Variants in SEC23A observed in about 807,000 individuals in gnomAD.
SEC23A encodes the protein SEC23 homolog A, COPII component.
In SEC23A, 56 loss-of-function variants were observed where a neutral mutation model predicts 103.7. The ratio of observed to expected loss-of-function variants is 0.54; its 90% CI spans 0.44 to 0.67. The LOEUF is 0.67. Ranked by LOEUF, SEC23A falls within the 30% of genes least tolerant of loss-of-function variation. The pLI, the probability that SEC23A is intolerant of heterozygous loss-of-function variation, is 0.00. For missense variants in SEC23A, 784 were observed against 936.4 expected, an observed-to-expected ratio of 0.84 and a Z score of 2.12; for synonymous variants, 281 against 293.0, an observed-to-expected ratio of 0.96 and a Z score of 0.42.
intron 9 of SEC23A, among the ~76,000 whole-genome samples, chr14:39,072,596 C>G (rs1886874629): frequency 6.6e-6 from 1 of 151,674 alleles, no homozygotes; most frequent in Non-Finnish European, 1.5e-5. Context: ...GAGGATCGAG[C>G]CCAGGAGTTC....
At chr14:39,065,997 CAAAAAAAAAAAA>C (rs59260008) in intron 10 of SEC23A, among the ~76,000 whole-genome samples, 32 of 80,498 alleles carry the variant, frequency 4.0e-4, no homozygotes, top group South Asian at 1.3e-3. Context: ...AACTCCATCT[CAAAAAAAAAAAA>C]AAAAAAAAAA....
chr14:39,091,994 T>G (rs1887679525), intron 4 of SEC23A, among the ~76,000 whole-genome samples: 1 of 152,186 alleles, frequency 6.6e-6, no homozygotes, highest in Non-Finnish European at 1.5e-5. Flanking sequence ...TTTAAAATAA[T>G]TAGTAAACCT....
At chr14:39,057,059 A>G (rs1198479906) in intron 13 of SEC23A, among the ~76,000 whole-genome samples, 1 of 152,104 alleles carries the variant, frequency 6.6e-6, no homozygotes, top group Non-Finnish European at 1.5e-5. Flanking sequence ...CACACCTGTA[A>G]TCACAACACT....
At chr14:39,047,230 A>C (rs1212410165) in intron 15 of SEC23A, 1 of 316,302 alleles carries the variant, frequency 3.2e-6, no homozygotes. Flanking sequence ...TGAAGATCTA[A>C]AAGCCCAACA....
At chr14:39,060,917 A>G (rs1405903719) in intron 13 of SEC23A, among the ~76,000 whole-genome samples, 1 of 152,082 alleles carries the variant, frequency 6.6e-6, no homozygotes, top group African/African-American at 2.4e-5. Flanking sequence ...ACAAAATACT[A>G]CCCTATAATT....
chr14:39,061,468 ATAT>A (rs1225083050), intron 13 of SEC23A, among the ~76,000 whole-genome samples: 3 of 152,032 alleles, frequency 2.0e-5, no homozygotes, highest in Non-Finnish European at 2.9e-5. Flanking sequence ...TGGATTATAT[ATAT>A]TATTATTGAC....
At chr14:39,054,174 C>A (rs1301315306) in intron 14 of SEC23A, among the ~76,000 whole-genome samples, 2 of 151,584 alleles carry the variant, frequency 1.3e-5, no homozygotes, top group South Asian at 4.2e-4. Flanking sequence ...ACTCAGGAGG[C>A]TGAAGTGGGA....
At chr14:39,075,703 AT>A (rs1886990192) in intron 8 of SEC23A, among the ~76,000 whole-genome samples, 1 of 152,224 alleles carries the variant, frequency 6.6e-6, no homozygotes, top group Admixed American at 6.5e-5. Context: ...CTCAGTAATA[AT>A]TTTTAAGGAG....
chr14:39,081,986 T>G (rs1289968690), intron 7 of SEC23A, among the ~76,000 whole-genome samples: 1 of 152,044 alleles, frequency 6.6e-6, no homozygotes, highest in Admixed American at 6.6e-5. Flanking sequence ...ACAGGGCTCC[T>G]AAGTGGTTTC....
rs7141994 is a variant in SEC23A at position 39,033,634 on chromosome 14, T to G, written c.2209-306A>C. On this transcript the variant is annotated intron_variant, in intron 19 of 19. Transcript: ENST00000307712. Reference sequence around the variant, plus strand: ...ACTAACAATGGAATTAGAGGCTTGGTGCTTTTAAAAGAAAGCCTGACCTCC... The same window carrying G: ...ACTAACAATGGAATTAGAGGCTTGGGGCTTTTAAAAGAAAGCCTGACCTCC... Among the ~76,000 whole-genome samples the G allele has an allele frequency of 2.6e-3, 385 of 148,724 alleles. 3 individuals carry two copies. The highest frequency in any genetic ancestry group is 9.6e-3 in the African/African-American group (368 of 38,154).
At chr14:39,038,428 A>C (rs941315620) in intron 19 of SEC23A, among the ~76,000 whole-genome samples, 2 of 152,208 alleles carry the variant, frequency 1.3e-5, no homozygotes, top group Admixed American at 6.5e-5. Context: ...AGGCATGGGT[A>C]ATAACTGCAC....
intron 7 of SEC23A, among the ~76,000 whole-genome samples, chr14:39,077,241 A>AG (rs1887063341): frequency 6.7e-6 from 1 of 148,262 alleles, no homozygotes; most frequent in Non-Finnish European, 1.5e-5. Flanking sequence ...AAAAAAAAAA[A>AG]AAAAAAAAAA....
At position 39,033,305 on chromosome 14, in the gene SEC23A, T is replaced by C. The variant is rs1370515665; in HGVS notation, c.2232A>G (p.Thr744=). ...WGQESGAPIL[T]DDVSLQVFMD... ...TAAACACTTGTAAACTAACATCATCTGTAAGAATAGGTGCTCCAGACTCCT... is the reference window on the plus strand; with the variant it reads ...TAAACACTTGTAAACTAACATCATCCGTAAGAATAGGTGCTCCAGACTCCT... Residue 744 remains threonine (T), a synonymous_variant, in exon 20 of 20, where the codon ACA becomes ACG. Coordinates refer to ENST00000307712, the MANE Select transcript of SEC23A (RefSeq NM_006364.4). The C allele has an allele frequency of 2.5e-6, 4 of 1,610,606 alleles. No individual in the cohort carries two copies. Among genetic ancestry groups the C allele is most frequent in the East Asian group, 4.5e-5 (2 of 44,702 alleles).
intron 14 of SEC23A, among the ~76,000 whole-genome samples, chr14:39,051,394 A>T (rs1055166924): frequency 2.6e-5 from 4 of 152,238 alleles, no homozygotes; most frequent in African/African-American, 9.6e-5. Context: ...CTGCTGTTGT[A>T]AATGCTGCAG....
rs1320421007 is a variant in SEC23A at position 39,085,869 on chromosome 14, TGA to T, written c.719_720del (p.Leu240HisfsTer65). The T allele has an allele frequency of 6.2e-7, 1 of 1,612,394 alleles. No homozygotes were observed. On this transcript the variant is annotated frameshift_variant, in exon 7 of 20. Coordinates refer to ENST00000307712, the MANE Select transcript of SEC23A (RefSeq NM_006364.4). LOFTEE classifies it high-confidence loss of function. ...LQPVQKIDMN[L>X]TDLLGELQRD... The stretch of plus-strand genomic sequence containing the variant: ...CGCTGGAGTTCTCCCAGAAGATCTG[TGA>T]GATTCATGTCTATTTTCTGTACTGG...
At chr14:39,056,351 T>G (rs1886249452) in intron 13 of SEC23A, among the ~76,000 whole-genome samples, 1 of 152,230 alleles carries the variant, frequency 6.6e-6, no homozygotes, top group Non-Finnish European at 1.5e-5. Context: ...TAGGCTAGTC[T>G]TGAACTCCTG....
At chr14:39,088,877 T>C (rs182405098) in intron 5 of SEC23A, among the ~76,000 whole-genome samples, 5 of 147,684 alleles carry the variant, frequency 3.4e-5, no homozygotes. Flanking sequence ...TACTAAAAAA[T>C]ACAAAAATTG....
rs1376665593 is a variant in SEC23A, at chr14:39,076,063, T to C, written c.859A>G (p.Met287Val). The change falls in exon 8 of 20, where the codon ATG becomes GTG. Residue 287 changes from methionine (M) to valine (V), a missense_variant. Met to Val is a conservative substitution (Grantham distance 21). Coordinates refer to ENST00000307712, the MANE Select transcript of SEC23A (RefSeq NM_006364.4). ...GTAGCAGGACCACCAATGAACATCA[T>C]GATACGAGCACCAGTGTTGGGAAAA... ...CTFPNTGARI[M>V]MFIGGPATQG... 1 of 1,613,332 alleles carries C rather than the reference T, an allele frequency of 6.2e-7. No individual in the cohort carries two copies. The highest frequency in any genetic ancestry group is 8.5e-7 in the Non-Finnish European group (1 of 1,179,738).
chr14:39,092,423 A>G (rs1479655366), intron 4 of SEC23A, 118 bp downstream of exon 4: 1 of 714,692 alleles, frequency 1.4e-6, no homozygotes, highest in African/African-American at 1.8e-5. Flanking sequence ...TTACCTTTGA[A>G]ATGTTCCATC....
Sources: gnomAD v4.1 joint callset for allele counts (sites outside exome capture counted in the v4.1 genomes callset) on GRCh38, gnomAD v4.1.1 for gene constraint, MANE v1.5 for transcripts, NCBI Gene and HGNC (gene_info 2026-07-23, HGNC 2026-07-21) for gene names.